The following CNTN5 variants were observed in gnomAD, a reference collection of about 807,000 sequenced individuals.
CNTN5 encodes contactin 5.
CNTN5 carries 77 observed loss-of-function variants against 129.1 expected under a neutral mutation model. That is an observed-to-expected ratio of 0.60 (90% CI 0.50 to 0.72). The LOEUF (loss-of-function observed/expected upper bound fraction) is 0.72, where lower values mean the gene tolerates loss of function less well. Among genes scored for constraint, CNTN5 ranks in the 30% least tolerant of loss-of-function variants. CNTN5 has a pLI of 0.00. For synonymous variants in CNTN5, 509 were observed against 465.6 expected, an observed-to-expected ratio of 1.09 and a Z score of -1.20; for missense variants, 1,478 against 1,328.8, an observed-to-expected ratio of 1.11 and a Z score of -1.75.
At position 100,318,842 on chromosome 11, in the gene CNTN5, T is replaced by C. The variant is rs144228231; in HGVS notation, c.2730+10374T>C. ...CACAAAAAGAAAAAGGTTTACAAAA[T>C]CTATATTTAGCATTGTAAGAATTCT... On this transcript the variant is annotated intron_variant, in intron 21 of 24. Coordinates refer to ENST00000524871, the MANE Select transcript of CNTN5 (RefSeq NM_014361.4). Among the ~76,000 whole-genome samples the C allele has an allele frequency of 5.9e-5, 9 of 152,210 alleles. No individual in the cohort carries two copies. The East Asian group carries it at 1.4e-3, about 23-fold the overall frequency.
At chr11:100,321,057 T>C (rs1951681645) in intron 21 of CNTN5, among the ~76,000 whole-genome samples, 2 of 152,182 alleles carry the variant, frequency 1.3e-5, no homozygotes, top group South Asian at 4.1e-4. Context: ...TGTAGTTCTC[T>C]ATGAATTTTA....
chr11:99,631,160 T>A (rs1168359526), intron 3 of CNTN5, among the ~76,000 whole-genome samples: 1 of 152,150 alleles, frequency 6.6e-6, no homozygotes, highest in Non-Finnish European at 1.5e-5. Context: ...AGTGTTAGTT[T>A]ATTCTTTATG....
At chr11:99,065,678 G>A (rs1324807276) in intron 1 of CNTN5, among the ~76,000 whole-genome samples, 4 of 151,868 alleles carry the variant, frequency 2.6e-5, no homozygotes, top group Admixed American at 1.3e-4. Flanking sequence ...AAGGCTACAT[G>A]CACTTTTGAA....
chr11:99,132,470 G>A (rs1372766049), intron 1 of CNTN5, among the ~76,000 whole-genome samples: 1 of 152,126 alleles, frequency 6.6e-6, no homozygotes, highest in African/African-American at 2.4e-5. Flanking sequence ...AATTGTCTTT[G>A]TTTGCAGATG....
intron 2 of CNTN5, among the ~76,000 whole-genome samples, chr11:99,379,769 G>A (rs1479128467): frequency 6.6e-6 from 1 of 152,110 alleles, no homozygotes. Context: ...AAGCTTTGGT[G>A]GGTGACAGAA....
intron 1 of CNTN5, among the ~76,000 whole-genome samples, chr11:99,249,963 GC>G (rs1862017430): frequency 2.0e-5 from 3 of 151,894 alleles, no homozygotes; most frequent in South Asian, 4.2e-4. Context: ...AGTTGTTTGA[GC>G]TTTTTTGTTA....
intron 1 of CNTN5, among the ~76,000 whole-genome samples, chr11:99,225,463 A>G (rs924254575): frequency 1.3e-5 from 2 of 152,070 alleles, no homozygotes; most frequent in African/African-American, 4.8e-5. Context: ...CCAATTCCCT[A>G]CTGATTCAGT....
intron 18 of CNTN5, among the ~76,000 whole-genome samples, chr11:100,288,193 G>A (rs1950846445): frequency 6.6e-6 from 1 of 152,170 alleles, no homozygotes; most frequent in Non-Finnish European, 1.5e-5. Flanking sequence ...ACATTAGACA[G>A]ATCAACGAGA....
At chr11:99,718,444 G>A (rs1362855916) in intron 3 of CNTN5, among the ~76,000 whole-genome samples, 2 of 152,118 alleles carry the variant, frequency 1.3e-5, no homozygotes, top group African/African-American at 4.8e-5. Context: ...AAGTTCCTGA[G>A]TGATTCTGAT....
chr11:100,065,497 G>A lies in CNTN5; in HGVS notation c.1162+4104G>A, dbSNP rs1414938195. 3.3e-5 allele frequency among the ~76,000 whole-genome samples: 5 copies of A among 151,972 alleles called. No homozygotes were observed. In the East Asian group the frequency reaches 7.7e-4, roughly 23 times the overall value. ...CTTACCTTCTAGACATTACTACGAGGTGCTTTACATACATTAACTCACAAT... is the reference window on the plus strand; with the variant it reads ...CTTACCTTCTAGACATTACTACGAGATGCTTTACATACATTAACTCACAAT... On this transcript the variant is annotated intron_variant, in intron 10 of 24. Transcript: ENST00000524871.
chr11:100,214,131 G>A (rs1949091745), intron 15 of CNTN5, among the ~76,000 whole-genome samples: 1 of 152,042 alleles, frequency 6.6e-6, no homozygotes, highest in Admixed American at 6.6e-5. Flanking sequence ...CTGGAAAATA[G>A]TCTTTAGAAA....
At chr11:99,615,025 A>G (rs900466409) in intron 3 of CNTN5, among the ~76,000 whole-genome samples, 1 of 148,972 alleles carries the variant, frequency 6.7e-6, no homozygotes, top group Non-Finnish European at 1.5e-5. Flanking sequence ...CTATTTTATT[A>G]TATATACCTA....
chr11:99,753,206 G>A (rs903943976), intron 3 of CNTN5, among the ~76,000 whole-genome samples: 1 of 138,570 alleles, frequency 7.2e-6, no homozygotes, highest in Non-Finnish European at 1.5e-5. Context: ...CACTGCAAGC[G>A]CTGCCTTCCG....
chr11:99,772,338 G>A (rs1944975178), intron 3 of CNTN5, among the ~76,000 whole-genome samples: 5 of 151,962 alleles, frequency 3.3e-5, no homozygotes, highest in South Asian at 2.1e-4. Context: ...GTAAGGTGGC[G>A]TTATTTGTTT....
intron 9 of CNTN5, among the ~76,000 whole-genome samples, chr11:100,038,123 C>T (rs1045438903): frequency 1.6e-4 from 24 of 152,136 alleles, no homozygotes; most frequent in African/African-American, 5.3e-4. Flanking sequence ...AAATTTCCCT[C>T]TACACACTAC....
chr11:99,702,771 A>G (rs1565442159), intron 3 of CNTN5, among the ~76,000 whole-genome samples: 1 of 150,946 alleles, frequency 6.6e-6, no homozygotes, highest in Non-Finnish European at 1.5e-5. Flanking sequence ...AATCCTCCAG[A>G]AGATCCATCT....
intron 3 of CNTN5, among the ~76,000 whole-genome samples, chr11:99,795,832 T>G (rs1313724936): frequency 6.6e-6 from 1 of 152,140 alleles, no homozygotes; most frequent in Non-Finnish European, 1.5e-5. Flanking sequence ...CTTAGTTATC[T>G]GATCCATTGA....
intron 3 of CNTN5, among the ~76,000 whole-genome samples, chr11:99,697,116 T>A (rs1954304302): frequency 6.6e-6 from 1 of 151,738 alleles, no homozygotes; most frequent in South Asian, 2.1e-4. Context: ...TGTCCTTGAG[T>A]CCCTACTGAT....
Position 99,916,059 on chromosome 11 carries a change from G to T in CNTN5, c.583G>T (p.Gly195Ter). The change falls in exon 7 of 25, where the codon GGA becomes TGA. Residue 195 changes from glycine (G) to a stop codon, truncating the protein, a stop_gained. Coordinates refer to ENST00000524871, the MANE Select transcript of CNTN5 (RefSeq NM_014361.4). LOFTEE classifies it high-confidence loss of function. ...ATGTTTTATTATGTTGACAGATCTGGGAAATTTTAGTGGCCGGACAAGAAG... is the reference window on the plus strand; with the variant it reads ...ATGTTTTATTATGTTGACAGATCTGTGAAATTTTAGTGGCCGGACAAGAAG... ...REATLQFAYL[G>*]NFSGRTRSAV... 1 of 1,611,124 alleles carries T rather than the reference G, an allele frequency of 6.2e-7. No individual in the cohort carries two copies. The highest frequency in any genetic ancestry group is 8.5e-7 in the Non-Finnish European group (1 of 1,178,482).
Sources: gnomAD v4.1 joint callset for allele counts (sites outside exome capture counted in the v4.1 genomes callset) on GRCh38, gnomAD v4.1.1 for gene constraint, MANE v1.5 for transcripts, NCBI Gene and HGNC (gene_info 2026-07-23, HGNC 2026-07-21) for gene names.